The following SLC4A1AP variants were observed in gnomAD, a reference collection of about 807,000 sequenced individuals.
SLC4A1AP encodes solute carrier family 4 member 1 adaptor protein, also known as kanadaptin.
SLC4A1AP carries 64 observed loss-of-function variants against 89.7 expected under a neutral mutation model. That is an observed-to-expected ratio of 0.71 (90% CI 0.58 to 0.88). The LOEUF (loss-of-function observed/expected upper bound fraction) is 0.88. Among genes scored for constraint, SLC4A1AP ranks in the 40% least tolerant of loss-of-function variants. The pLI, the probability that SLC4A1AP is intolerant of heterozygous loss-of-function variation, is 0.00. For synonymous variants in SLC4A1AP, 366 were observed against 353.3 expected (o/e 1.04, Z -0.40); for missense variants, 931 against 965.0 (o/e 0.96, Z 0.47).
chr2:27,686,556 G>C (rs2148139576), intron 10 of SLC4A1AP, among the ~76,000 whole-genome samples: 1 of 152,250 alleles, frequency 6.6e-6, no homozygotes, highest in Admixed American at 6.5e-5. Flanking sequence ...CCTGAGGTCA[G>C]GAGTTCGAGA....
exon 1 of SLC4A1AP, chr2:27,664,404 T>G (rs1394115633): frequency 1.2e-6 from 2 of 1,614,172 alleles, no homozygotes; most frequent in South Asian, 2.2e-5. Flanking sequence ...GCACAGGGCG[T>G]CCGGCCCTGA....
intron 4 of SLC4A1AP, 63 bp downstream of exon 4, chr2:27,668,966 G>A (rs1675378352): frequency 2.1e-6 from 3 of 1,452,742 alleles, no homozygotes; most frequent in South Asian, 1.2e-5. Flanking sequence ...TTAATGTATG[G>A]TTATAGATAA....
intron 5 of SLC4A1AP, among the ~76,000 whole-genome samples, chr2:27,669,625 TGTA>T (rs1675389061): frequency 6.6e-6 from 1 of 152,104 alleles, no homozygotes; most frequent in Non-Finnish European, 1.5e-5. Context: ...CATACACAAA[TGTA>T]GTCATATTAA....
chr2:27,685,698 T>C (rs892183874), intron 10 of SLC4A1AP, among the ~76,000 whole-genome samples: 3 of 152,208 alleles, frequency 2.0e-5, no homozygotes, highest in South Asian at 4.1e-4. Flanking sequence ...ATTGTACTCA[T>C]TGGACTAAAG....
chr2:27,688,585 C>T lies in SLC4A1AP; in HGVS notation c.2204-115C>T, dbSNP rs1206134911. 7.2e-6 allele frequency: 5 copies of T among 690,428 alleles called. No homozygotes were observed. The African/African-American group carries it at 9.3e-5, about 13-fold the overall frequency. The allele number at this position is 690,428 out of a possible 1,614,324, so 42.8% of individuals were successfully genotyped here. ...CAGTAGAAGGAATTGTTGAGAATTG[C>T]ATTGTCATGAGCATCTTTTCTTCAA... On this transcript the variant is annotated intron_variant, in intron 11 of 13. Coordinates refer to ENST00000613058, the Ensembl canonical transcript of SLC4A1AP.
At chr2:27,684,984 C>T in intron 9 of SLC4A1AP, 53 bp from the exon 10 acceptor site, 1 of 1,534,586 alleles carries the variant, frequency 6.5e-7, no homozygotes, top group South Asian at 1.3e-5. Context: ...AAAGATTTTT[C>T]TCTTGTTGTC....
chr2:27,679,555 T>C (rs1675584374), intron 8 of SLC4A1AP, among the ~76,000 whole-genome samples: 1 of 152,102 alleles, frequency 6.6e-6, no homozygotes, highest in Non-Finnish European at 1.5e-5. Flanking sequence ...TGAGCCGAGA[T>C]TGCGCCACTG....
At chr2:27,668,680 A>T (rs749817714) in intron 3 of SLC4A1AP, 163 bp from the exon 4 acceptor site, 5 of 722,664 alleles carry the variant, frequency 6.9e-6, no homozygotes, top group Non-Finnish European at 1.2e-5. Flanking sequence ...GCGCTCCTTA[A>T]CTCAAGCTGT....
chr2:27,685,150 G>A (rs773989870), exon 10 of SLC4A1AP: 3 of 1,614,046 alleles, frequency 1.9e-6, no homozygotes, highest in Middle Eastern at 1.6e-4. Flanking sequence ...AAAAGGAGGA[G>A]CATGAAAAGA....
intron 9 of SLC4A1AP, among the ~76,000 whole-genome samples, chr2:27,683,108 G>C (rs1675647114): frequency 2.0e-5 from 3 of 152,084 alleles, no homozygotes; most frequent in Admixed American, 1.3e-4. Flanking sequence ...GGGAATTATT[G>C]CCTCTTACAA....
intron 8 of SLC4A1AP, among the ~76,000 whole-genome samples, chr2:27,681,889 AG>A (rs1343622319): frequency 6.6e-6 from 1 of 151,968 alleles, no homozygotes; most frequent in Non-Finnish European, 1.5e-5. Flanking sequence ...CACTCTTCAG[AG>A]GTTGGTGGGA....
exon 6 of SLC4A1AP, chr2:27,675,673 C>A: frequency 1.3e-6 from 2 of 1,585,650 alleles, no homozygotes; most frequent in South Asian, 1.2e-5. Context: ...GATGAGAAGC[C>A]AGAGACCTTT....
At chr2:27,676,790 A>C (rs1278649598) in intron 6 of SLC4A1AP, among the ~76,000 whole-genome samples, 1 of 149,704 alleles carries the variant, frequency 6.7e-6, no homozygotes, top group Non-Finnish European at 1.5e-5. Context: ...AGATCACGCC[A>C]TTGCACTGCA....
intron 8 of SLC4A1AP, among the ~76,000 whole-genome samples, chr2:27,680,851 A>C (rs1307264991): frequency 1.3e-5 from 2 of 151,930 alleles, no homozygotes; most frequent in Non-Finnish European, 2.9e-5. Context: ...AAAAAAAAAA[A>C]AACGAAAACG....
chr2:27,685,398 T>G (rs145914124), intron 10 of SLC4A1AP, 121 bp downstream of exon 10: 2 of 1,256,022 alleles, frequency 1.6e-6, no homozygotes, highest in East Asian at 2.5e-5. Flanking sequence ...ATATACTGAC[T>G]CTGTAGCAAG....
chr2:27,685,296 T>G lies in SLC4A1AP; in HGVS notation c.2116+19T>G, dbSNP rs762107461. On this transcript the variant is annotated intron_variant, in intron 10 of 13. Transcript: ENST00000613058. ...ACCCATGGTAATATCTTTCTTCTCC[T>G]TCCTGTGTTGTTCAGTGGGCAGTTA... 1 of 1,593,492 alleles carries G rather than the reference T, an allele frequency of 6.3e-7. No homozygotes were observed. Among genetic ancestry groups the G allele is most frequent in the Non-Finnish European group, 8.5e-7 (1 of 1,172,092 alleles).
At position 27,673,107 on chromosome 2, in the gene SLC4A1AP, C is replaced by G. The variant is rs74435443; in HGVS notation, c.1346-2425C>G. On this transcript the variant is annotated intron_variant, in intron 5 of 13. Transcript: ENST00000613058. ...CAGGGAGGAAGATCTATTTCTCAAC[C>G]AGTTTTTACTTAGTCCTCCATAACC... Among the ~76,000 whole-genome samples, 1,394 of 152,162 alleles carry G rather than the reference C, an allele frequency of 9.2e-3. 15 individuals carry two copies. The highest frequency in any genetic ancestry group is 0.032 in the African/African-American group (1,327 of 41,508).
chr2:27,674,427 T>C lies in SLC4A1AP; in HGVS notation c.1346-1105T>C, dbSNP rs1281400455. Among the ~76,000 whole-genome samples the C allele has an allele frequency of 2.6e-5, 4 of 152,298 alleles. No individual in the cohort carries two copies. The East Asian group carries it at 7.7e-4, about 29-fold the overall frequency. On this transcript the variant is annotated intron_variant, in intron 5 of 13. Coordinates refer to ENST00000613058, the Ensembl canonical transcript of SLC4A1AP. Reference sequence around the variant, plus strand: ...TATTTATAGAATAAATTCCTAGAAGTGGAATTGCTGGATCAATGCATTTTT... The same window carrying C: ...TATTTATAGAATAAATTCCTAGAAGCGGAATTGCTGGATCAATGCATTTTT...
rs761775092 is a variant in SLC4A1AP, at chr2:27,683,941, A to G, written c.1876-1096A>G. ...TTTTTAGTAGAGACAGTTTTTCACCATGGCCAGACTGGTCTCGAACTCCTG... is the reference window on the plus strand; with the variant it reads ...TTTTTAGTAGAGACAGTTTTTCACCGTGGCCAGACTGGTCTCGAACTCCTG... On this transcript the variant is annotated intron_variant, in intron 9 of 13. Coordinates refer to ENST00000613058, the Ensembl canonical transcript of SLC4A1AP. Among the ~76,000 whole-genome samples the G allele has an allele frequency of 1.1e-4, 17 of 151,950 alleles. No individual in the cohort carries two copies. In the Middle Eastern group the frequency reaches 0.01, roughly 91 times the overall value.
Sources: gnomAD v4.1 joint callset for allele counts (sites outside exome capture counted in the v4.1 genomes callset) on GRCh38, gnomAD v4.1.1 for gene constraint, MANE v1.5 for transcripts, NCBI Gene and HGNC (gene_info 2026-07-23, HGNC 2026-07-21) for gene names.